The following NEBL variants were observed in gnomAD, a reference collection of about 807,000 sequenced individuals.
NEBL encodes LIM and SH3 protein 2.
NEBL carries 122 observed loss-of-function variants against 140.2 expected under a neutral mutation model. The observed-to-expected ratio is 0.87, with a 90% CI of 0.75 to 1.01. NEBL has a LOEUF of 1.01. Ranked by LOEUF, NEBL falls within the 50% of genes least tolerant of loss-of-function variation. The pLI is 0.00. For missense variants in NEBL, 1,365 were observed against 1,231.3 expected (o/e 1.11, Z -1.62); for synonymous variants, 436 against 398.9 (o/e 1.09, Z -1.11).
chr10:21,105,621 A>G (rs767259557), intron 2 of NEBL, among the ~76,000 whole-genome samples: 7 of 152,118 alleles, frequency 4.6e-5, no homozygotes, highest in Admixed American at 6.5e-5. Flanking sequence ...AGTCTTTGCT[A>G]TTGTAAATAG....
chr10:21,202,511 T>G (rs2132228247), intron 3 of NEBL, among the ~76,000 whole-genome samples: 1 of 145,662 alleles, frequency 6.9e-6, no homozygotes, highest in Admixed American at 6.9e-5. Context: ...TCGCCCAGGC[T>G]GGAGTGCAGT....
At chr10:20,810,377 AG>A (rs143901451) in intron 24 of NEBL, among the ~76,000 whole-genome samples, 1,657 of 152,308 alleles carry the variant, frequency 0.011, 21 homozygotes, top group Non-Finnish European at 0.013. Flanking sequence ...ACAAAAAAAA[AG>A]TCCCTTTCTA....
intron 1 of NEBL, among the ~76,000 whole-genome samples, chr10:21,268,672 T>C (rs909160284): frequency 3.3e-5 from 5 of 151,928 alleles, no homozygotes; most frequent in Admixed American, 2.6e-4. Flanking sequence ...TACAGACACG[T>C]GCCACCATGT....
At chr10:21,136,374 C>G (rs1204898744) in intron 2 of NEBL, among the ~76,000 whole-genome samples, 1 of 152,182 alleles carries the variant, frequency 6.6e-6, no homozygotes, top group East Asian at 1.9e-4. Flanking sequence ...TCTTGCCCAG[C>G]CTGGAGTGCA....
At chr10:21,267,229 G>A (rs1842807773) in intron 1 of NEBL, among the ~76,000 whole-genome samples, 1 of 152,110 alleles carries the variant, frequency 6.6e-6, no homozygotes, top group Non-Finnish European at 1.5e-5. Context: ...GCCCACCTCG[G>A]CCTCCCAAAG....
At chr10:21,154,929 A>C (rs1367143489) in intron 2 of NEBL, among the ~76,000 whole-genome samples, 2 of 152,182 alleles carry the variant, frequency 1.3e-5, no homozygotes, top group Non-Finnish European at 2.9e-5. Flanking sequence ...GGCTGGGCGT[A>C]GTGGCTCACG....
intron 2 of NEBL, among the ~76,000 whole-genome samples, chr10:21,035,215 T>G (rs1365892232): frequency 6.6e-6 from 1 of 151,982 alleles, no homozygotes; most frequent in African/African-American, 2.4e-5. Context: ...CCAGGCTGTT[T>G]TCAAACTCCT....
intron 9 of NEBL, 28 bp downstream of exon 9, chr10:20,858,212 T>C (rs1564391329): frequency 6.5e-7 from 1 of 1,528,800 alleles, no homozygotes; most frequent in Admixed American, 1.7e-5. Flanking sequence ...ACAAGGCAAC[T>C]ACGGTTGCCG....
chr10:20,890,315 C>A (rs144233596), intron 2 of NEBL, among the ~76,000 whole-genome samples: 1 of 152,244 alleles, frequency 6.6e-6, no homozygotes, highest in African/African-American at 2.4e-5. Context: ...GACACATAAG[C>A]CTTTGGCCAA....
intron 2 of NEBL, among the ~76,000 whole-genome samples, chr10:21,107,809 TG>T (rs1339825786): frequency 6.6e-6 from 1 of 152,212 alleles, no homozygotes; most frequent in Non-Finnish European, 1.5e-5. Flanking sequence ...GGCCTATTTT[TG>T]GTTGGTAGGC....
chr10:20,931,603 T>C (rs927528848), intron 4 of NEBL, among the ~76,000 whole-genome samples: 2 of 152,170 alleles, frequency 1.3e-5, no homozygotes, highest in Admixed American at 1.3e-4. Flanking sequence ...GGAGGCTCCT[T>C]GGCCTGCCTA....
intron 3 of NEBL, among the ~76,000 whole-genome samples, chr10:21,226,051 T>C (rs1463055963): frequency 6.6e-6 from 1 of 152,060 alleles, no homozygotes; most frequent in East Asian, 1.9e-4. Context: ...AAGTATTGCA[T>C]GTGTCTCACT....
At chr10:20,969,844 C>A (rs1390959276) in intron 3 of NEBL, among the ~76,000 whole-genome samples, 1 of 151,376 alleles carries the variant, frequency 6.6e-6, no homozygotes, top group Non-Finnish European at 1.5e-5. Context: ...CGTGCCTGGC[C>A]CCAAAAAGCA....
intron 3 of NEBL, among the ~76,000 whole-genome samples, chr10:21,247,315 A>T (rs1430698572): frequency 6.6e-6 from 1 of 152,240 alleles, no homozygotes; most frequent in Non-Finnish European, 1.5e-5. Flanking sequence ...AACTTGGATG[A>T]ATCTCAGGCA....
chr10:20,792,455 T>C (rs916211805), intron 26 of NEBL, among the ~76,000 whole-genome samples: 5 of 152,216 alleles, frequency 3.3e-5, no homozygotes, highest in Non-Finnish European at 5.9e-5. Flanking sequence ...AGTAGGACTA[T>C]GCTGCTAGTT....
At chr10:21,270,977 A>G (rs956244373) in intron 1 of NEBL, among the ~76,000 whole-genome samples, 4 of 152,184 alleles carry the variant, frequency 2.6e-5, no homozygotes, top group African/African-American at 4.8e-5. Flanking sequence ...TCCTCAAAAG[A>G]CTGAAAATAG....
chr10:21,262,493 A>G (rs1211844459), intron 1 of NEBL, among the ~76,000 whole-genome samples: 1 of 152,228 alleles, frequency 6.6e-6, no homozygotes, highest in African/African-American at 2.4e-5. Context: ...CCAGAGCTGG[A>G]AACCCAGGGA....
intron 3 of NEBL, among the ~76,000 whole-genome samples, chr10:21,210,914 G>A (rs534893523): frequency 6.6e-6 from 1 of 152,154 alleles, no homozygotes; most frequent in African/African-American, 2.4e-5. Context: ...AGCTATCCTA[G>A]CCAGTAGGAG....
chr10:20,839,779 C>T (rs1841238354), intron 13 of NEBL, among the ~76,000 whole-genome samples: 1 of 151,950 alleles, frequency 6.6e-6, no homozygotes, highest in African/African-American at 2.4e-5. Context: ...GAGATTAATC[C>T]AAGGAGATTC....
Sources: allele counts gnomAD v4.1 joint callset (sites outside exome capture counted in the v4.1 genomes callset), GRCh38; gene constraint gnomAD v4.1.1; transcripts MANE v1.5; gene names NCBI Gene and HGNC (gene_info 2026-07-23, HGNC 2026-07-21).